Variants in DUSP9 observed in about 807,000 individuals in gnomAD.
DUSP9 encodes the protein dual specificity protein phosphatase 9.
A neutral mutation model predicts 13.2 loss-of-function variants in DUSP9; 4 were observed. The ratio of observed to expected loss-of-function variants is 0.30; its 90% confidence interval spans 0.15 to 0.69. The LOEUF is 0.69. Among genes scored for constraint, DUSP9 ranks in the 30% least tolerant of loss-of-function variants. DUSP9 has a pLI of 0.73. For synonymous variants in DUSP9, 166 were observed against 172.3 expected, an observed-to-expected ratio of 0.96 and a Z score of 0.29; for missense variants, 263 against 355.0, an observed-to-expected ratio of 0.74 and a Z score of 2.08.
In DUSP9 at chrX:153,649,671, G is replaced by A; in HGVS notation, c.813G>A (p.Glu271=). 1 of 1,207,951 alleles carries A rather than the reference G, an allele frequency of 8.3e-7. No individual in the cohort carries two copies. Among genetic ancestry groups the A allele is most frequent in the Middle Eastern group, 2.3e-4 (1 of 4,326 alleles). Residue 271 remains glutamate, a synonymous_variant, in exon 3 of 4, where the codon GAG becomes GAA. Transcript: ENST00000342782. The part of the protein sequence containing the change: ...WSQNLSRFFP[E]AIEFIDEALS... The stretch of plus-strand genomic sequence containing the variant: ...AGAACCTGTCGCGGTTCTTTCCGGA[G>A]GCCATTGAGTTCATTGGTGAGTCCA...
Position 153,648,297 on chromosome X carries a change from A to G in DUSP9, c.344A>G (p.Glu115Gly). 1.8e-6 allele frequency: 2 copies of G among 1,135,172 alleles called. No individual in the cohort carries two copies. The highest frequency in any genetic ancestry group is 3.6e-5 in the East Asian group (1 of 27,720). 93.6% of individuals were successfully genotyped at this position (1,135,172 alleles called of 1,213,427 possible). Residue 115 changes from glutamate (E) to glycine (G), a missense_variant, in exon 2 of 4, where the codon GAG becomes GGG. Transcript: ENST00000342782. The stretch of plus-strand genomic sequence containing the variant: ...GGCACCCTGCTGCAGAAGCTGCGAG[A>G]GGAAGGCTACCTGGCCTACTACCTC... Reference protein sequence around the residue: ...VLGTLLQKLREEGYLAYYLQG... With the variant: ...VLGTLLQKLRGEGYLAYYLQG...
upstream of DUSP9, among the ~76,000 whole-genome samples, chrX:153,644,023 G>T (rs1179766253): frequency 2.0e-4 from 22 of 111,841 alleles, no homozygotes; most frequent in Non-Finnish European, 3.8e-4. Flanking sequence ...TGGATTTGGT[G>T]GAAAAGACAC....
upstream of DUSP9, among the ~76,000 whole-genome samples, chrX:153,645,470 C>T (rs1557035405): frequency 5.3e-5 from 6 of 113,138 alleles, no homozygotes; most frequent in African/African-American, 1.9e-4. Flanking sequence ...GCTAGCAGCC[C>T]ACTGCCCGAA....
At position 153,651,100 on chromosome X, in the gene DUSP9, TG is replaced by T. The variant is rs1394342140; in HGVS notation, c.*798del. ...TCATTCATTTCTGTCCACACCCCTG[TG>T]GGTGGCGGGTGTGCGTGTGTGTGCT... is the stretch of plus-strand genomic sequence containing the variant. On this transcript the variant is annotated 3_prime_UTR_variant, in exon 4 of 4. Transcript: ENST00000342782. 2.7e-5 allele frequency: 3 copies of T among 111,638 alleles called. No individual in the cohort carries two copies. The highest frequency in any genetic ancestry group is 3.8e-5 in the Non-Finnish European group (2 of 52,991). 9.2% of individuals were successfully genotyped at this position (111,638 alleles called of 1,213,427 possible).
Position 153,650,174 on chromosome X carries a change from C to A in DUSP9, c.1024C>A (p.Arg342Ser). ...NFMGQLLDFE[R>S]SLRLEERHSQ... ...CATGGGGCAGTTGCTGGACTTTGAG[C>A]GCAGCTTGCGGCTGGAGGAGCGCCA... The change falls in exon 4 of 4, where the codon CGC becomes AGC. Residue 342 changes from arginine to serine, a missense_variant. Arg to Ser is a moderately radical substitution (Grantham distance 110). Coordinates refer to ENST00000342782, the MANE Select transcript of DUSP9 (RefSeq NM_001318503.2). 8.2e-7 allele frequency: 1 copy of A among 1,212,228 alleles called. No homozygotes were observed. Among genetic ancestry groups the A allele is most frequent in the Non-Finnish European group, 1.1e-6 (1 of 895,597 alleles).
intron 3 of DUSP9, 72 bp from the exon 4 acceptor site, chrX:153,649,908 G>A: frequency 9.0e-7 from 1 of 1,111,278 alleles, no homozygotes; most frequent in Non-Finnish European, 1.2e-6. Flanking sequence ...GCCTTTGAGG[G>A]CCCTTCGGAA....
At chrX:153,649,112 T>C (rs782398646) in intron 2 of DUSP9, 120 bp from the exon 3 acceptor site, 32 of 706,356 alleles carry the variant, frequency 4.5e-5, no homozygotes, top group Non-Finnish European at 6.3e-5. Flanking sequence ...GGTTTTGTGT[T>C]CCCTTTGGGA....
At chrX:153,647,006 C>A (rs2091190404), upstream of DUSP9, among the ~76,000 whole-genome samples, 1 of 112,442 alleles carries the variant, frequency 8.9e-6, no homozygotes, top group African/African-American at 3.2e-5. Flanking sequence ...TGGTCCCCTG[C>A]TGGGCCCCTG....
chrX:153,649,525 G>A lies in DUSP9; in HGVS notation c.667G>A (p.Glu223Lys), dbSNP rs1557036117. The A allele has an allele frequency of 1.7e-6, 2 of 1,210,782 alleles. No individual in the cohort carries two copies. The highest frequency in any genetic ancestry group is 3.5e-5 in the African/African-American group (2 of 57,444). ...CAGTGCCCGGGATTCCGCCAATTTG[G>A]AGAGCCTGGCCAAACTGGGCATCCG... ...LGSARDSANL[E>K]SLAKLGIRYI... Residue 223 changes from glutamate to lysine, a missense_variant, in exon 3 of 4, where the codon GAG becomes AAG. Transcript: ENST00000342782.
chrX:153,650,850 CTGTTT>C lies in DUSP9; in HGVS notation c.*552_*556del, dbSNP rs1362099995. ...GGTTCCCGGCCACACATCTGGTGGGCTGTTTTGTTTTTTTTTTTTCCTCTTCCCCC... is the reference window on the plus strand; with the variant it reads ...GGTTCCCGGCCACACATCTGGTGGGCTGTTTTTTTTTTTTCCTCTTCCCCC... On this transcript the variant is annotated 3_prime_UTR_variant, in exon 4 of 4. Transcript: ENST00000342782. 1 of 110,799 alleles carries C rather than the reference CTGTTT, an allele frequency of 9.0e-6. No individual in the cohort carries two copies. The highest frequency in any genetic ancestry group is 2.8e-4 in the East Asian group (1 of 3,558). 9.1% of individuals were successfully genotyped at this position (110,799 alleles called of 1,213,427 possible).
chrX:153,645,113 G>C (rs979024335), upstream of DUSP9, among the ~76,000 whole-genome samples: 1 of 113,042 alleles, frequency 8.8e-6, no homozygotes, highest in African/African-American at 3.2e-5. Context: ...CCACTGTGGA[G>C]CTAGGCTGTG....
upstream of DUSP9, among the ~76,000 whole-genome samples, chrX:153,644,907 C>T (rs1235774859): frequency 8.9e-6 from 1 of 112,849 alleles, no homozygotes; most frequent in Non-Finnish European, 1.9e-5. Context: ...TGAGCCCCCA[C>T]GGCAGGGCGG....
upstream of DUSP9, among the ~76,000 whole-genome samples, chrX:153,645,536 G>A (rs1327020715): frequency 9.7e-5 from 11 of 113,237 alleles, no homozygotes; most frequent in Admixed American, 6.5e-4. Context: ...CTAGCTTTCC[G>A]TCACCTGCCC....
upstream of DUSP9, among the ~76,000 whole-genome samples, chrX:153,643,161 T>C (rs2091175194): frequency 9.1e-6 from 1 of 109,664 alleles, no homozygotes; most frequent in Admixed American, 9.6e-5. Flanking sequence ...TCCCAGTGGC[T>C]GACGCTCCCC....
At position 153,648,067 on chromosome X, in the gene DUSP9, C is replaced by T; in HGVS notation, c.114C>T (p.Ile38=). The T allele has an allele frequency of 9.5e-7, 1 of 1,056,644 alleles. No homozygotes were observed. The highest frequency in any genetic ancestry group is 1.2e-6 in the Non-Finnish European group (1 of 825,723). The allele number at this position is 1,056,644 out of a possible 1,213,427, so 87.1% of individuals were successfully genotyped here. A position where few individuals can be genotyped will look rare whatever the true frequency, so the allele number is the denominator to read the frequency against. ...GCGAGCTGTACGAGTCGGCGCGCAT[C>T]GGTGGGGCGCTGAGCGTGGCCCTGC... is the stretch of plus-strand genomic sequence containing the variant. ...RSRELYESAR[I]GGALSVALPA... Residue 38 remains isoleucine, a synonymous_variant, in exon 2 of 4, where the codon ATC becomes ATT. Transcript: ENST00000342782.
At position 153,648,331 on chromosome X, in the gene DUSP9, G is replaced by T; in HGVS notation, c.373+5G>T. 9.0e-7 allele frequency: 1 copy of T among 1,113,197 alleles called. No homozygotes were observed. The highest frequency in any genetic ancestry group is 1.9e-5 in the African/African-American group (1 of 53,056). The allele number at this position is 1,113,197 out of a possible 1,213,427, so 91.7% of individuals were successfully genotyped here. A position where few individuals can be genotyped will look rare whatever the true frequency, so the allele number is the denominator to read the frequency against. On this transcript the variant is annotated splice_donor_5th_base_variant and intron_variant, in intron 2 of 3. Transcript: ENST00000342782. ...ACCTGGCCTACTACCTCCAGGGTAGGTGCCGCGGGGCCCTCCTTCCAGGGG... is the reference window on the plus strand; with the variant it reads ...ACCTGGCCTACTACCTCCAGGGTAGTTGCCGCGGGGCCCTCCTTCCAGGGG...
At chrX:153,643,319 C>A (rs891739239), upstream of DUSP9, among the ~76,000 whole-genome samples, 19 of 110,360 alleles carry the variant, frequency 1.7e-4, no homozygotes, top group African/African-American at 6.3e-4. Context: ...ATCTCTGAGT[C>A]CCTCCCTCCC....
In DUSP9 at chrX:153,649,243, A is replaced by G. The variant is rs1320169543; in HGVS notation, c.385A>G (p.Arg129Gly). The G allele has an allele frequency of 2.5e-6, 3 of 1,209,552 alleles. No homozygotes were observed. The highest frequency in any genetic ancestry group is 1.7e-5 in the African/African-American group (1 of 57,488). Residue 129 changes from arginine to glycine, a missense_variant, in exon 3 of 4, where the codon AGA becomes GGA. By Grantham distance (125) the Arg-to-Gly change is moderately radical. Coordinates refer to ENST00000342782, the MANE Select transcript of DUSP9 (RefSeq NM_001318503.2). ...LAYYLQGGFS[R>G]FQAECPHLCE... ...CCTCTCCCCAACAGGAGGCTTCAGC[A>G]GATTCCAGGCCGAGTGCCCTCACCT...
At chrX:153,644,184 C>A (rs1244440449), upstream of DUSP9, among the ~76,000 whole-genome samples, 1 of 104,973 alleles carries the variant, frequency 9.5e-6, no homozygotes, top group Non-Finnish European at 2.0e-5. Flanking sequence ...CTCCCGGGAC[C>A]AGAGGGCGCA....
Sources: gnomAD v4.1 joint callset for allele counts (sites outside exome capture counted in the v4.1 genomes callset) on GRCh38, gnomAD v4.1.1 for gene constraint, MANE v1.5 for transcripts, NCBI Gene and HGNC (gene_info 2026-07-23, HGNC 2026-07-21) for gene names.